ADAMTS17: variants seen among roughly 807,000 people sequenced by gnomAD.
The protein encoded by ADAMTS17 is ADAM metallopeptidase with thrombospondin type 1 motif 17, also known as A disintegrin and metalloproteinase with thrombospondin motifs 17.
A neutral mutation model predicts 141.5 loss-of-function variants in ADAMTS17; 113 were observed. That is an observed-to-expected ratio of 0.80 (90% CI 0.69 to 0.93). The LOEUF is 0.93. ADAMTS17 is among the 40% of genes least tolerant of loss of function. ADAMTS17 has a pLI of 0.00. For synonymous variants in ADAMTS17, 768 were observed against 630.6 expected, an observed-to-expected ratio of 1.22 and a Z score of -3.27; for missense variants, 1,659 against 1,517.9, an observed-to-expected ratio of 1.09 and a Z score of -1.54.
intron 5 of ADAMTS17, 118 bp from the exon 6 acceptor site, chr15:100,261,754 A>T: frequency 8.5e-7 from 1 of 1,180,810 alleles, no homozygotes; most frequent in Non-Finnish European, 1.2e-6. Context: ...TCATTTGATG[A>T]CTCACGGCCC....
chr15:100,303,971 G>A (rs1034338414), intron 3 of ADAMTS17, among the ~76,000 whole-genome samples: 3 of 152,308 alleles, frequency 2.0e-5, no homozygotes, highest in East Asian at 3.9e-4. Flanking sequence ...TGATCCACCC[G>A]CTTCGGCCTC....
At chr15:100,250,907 T>C (rs1276001539) in intron 7 of ADAMTS17, among the ~76,000 whole-genome samples, 1 of 152,164 alleles carries the variant, frequency 6.6e-6, no homozygotes, top group African/African-American at 2.4e-5. Context: ...TATTTTAAAG[T>C]CCATAAATAA....
intron 10 of ADAMTS17, among the ~76,000 whole-genome samples, chr15:100,147,426 G>A (rs917945528): frequency 3.3e-5 from 5 of 152,098 alleles, no homozygotes; most frequent in African/African-American, 1.2e-4. Flanking sequence ...TACACACCTA[G>A]GCTCTGTGGT....
At chr15:100,160,490 A>C (rs753672615) in intron 8 of ADAMTS17, among the ~76,000 whole-genome samples, 3 of 152,182 alleles carry the variant, frequency 2.0e-5, no homozygotes, top group Non-Finnish European at 4.4e-5. Context: ...CTCAGTAGAC[A>C]ACTTGGTTAT....
intron 14 of ADAMTS17, among the ~76,000 whole-genome samples, chr15:100,099,267 TC>T (rs1304171487): frequency 2.6e-5 from 4 of 152,166 alleles, no homozygotes; most frequent in African/African-American, 4.8e-5. Flanking sequence ...TGCAGGGCTG[TC>T]CATGTCTGAA....
chr15:100,258,802 G>T (rs1044071137), intron 6 of ADAMTS17, among the ~76,000 whole-genome samples: 1 of 152,186 alleles, frequency 6.6e-6, no homozygotes, highest in East Asian at 1.9e-4. Context: ...TATTTCCTTT[G>T]TGGTAAGTTA....
intron 18 of ADAMTS17, among the ~76,000 whole-genome samples, chr15:100,020,606 T>C (rs559584151): frequency 1.3e-5 from 2 of 152,178 alleles, no homozygotes; most frequent in African/African-American, 4.8e-5. Flanking sequence ...CGTGGGTCTA[T>C]TTTGAGTTCC....
At chr15:100,330,668 T>A (rs1416149304) in intron 3 of ADAMTS17, among the ~76,000 whole-genome samples, 2 of 152,080 alleles carry the variant, frequency 1.3e-5, no homozygotes, top group Non-Finnish European at 2.9e-5. Context: ...ATGAAAGAGA[T>A]CCTAGGTTCC....
intron 7 of ADAMTS17, among the ~76,000 whole-genome samples, chr15:100,216,386 C>A (rs755426231): frequency 6.6e-6 from 1 of 152,200 alleles, no homozygotes; most frequent in Admixed American, 6.5e-5. Context: ...AGGCTGTGAA[C>A]CTCTAAATGC....
intron 20 of ADAMTS17, chr15:99,979,177 T>G (rs7175882): frequency 5.8e-4 from 88 of 151,818 alleles, no homozygotes; most frequent in African/African-American, 2.0e-3. Flanking sequence ...GATCACGAGG[T>G]GAGGAGTTTG....
At chr15:100,077,795 T>C (rs1422777095) in intron 15 of ADAMTS17, among the ~76,000 whole-genome samples, 1 of 152,118 alleles carries the variant, frequency 6.6e-6, no homozygotes, top group Non-Finnish European at 1.5e-5. Context: ...ATATAAAGCA[T>C]ACAGATTGGA....
intron 3 of ADAMTS17, among the ~76,000 whole-genome samples, chr15:100,314,925 G>A (rs954237961): frequency 4.6e-5 from 7 of 152,216 alleles, no homozygotes; most frequent in Non-Finnish European, 7.3e-5. Flanking sequence ...GTGCAGAAGA[G>A]GAGCCGACCG....
At chr15:100,008,080 G>A (rs2061073236) in intron 18 of ADAMTS17, among the ~76,000 whole-genome samples, 1 of 148,640 alleles carries the variant, frequency 6.7e-6, no homozygotes. Context: ...GCCCAGAAGA[G>A]GCCTCAGGGG....
chr15:100,097,164 T>C (rs994091887), intron 14 of ADAMTS17, among the ~76,000 whole-genome samples: 46 of 152,216 alleles, frequency 3.0e-4, no homozygotes, highest in Non-Finnish European at 5.9e-4. Context: ...TGGACTCTTT[T>C]TTTCTTTTTT....
intron 3 of ADAMTS17, among the ~76,000 whole-genome samples, chr15:100,305,372 T>C (rs2045187664): frequency 6.6e-6 from 1 of 152,258 alleles, no homozygotes; most frequent in Non-Finnish European, 1.5e-5. Context: ...GTCCCTGAAA[T>C]AAATCCGTCT....
At chr15:100,114,895 G>C (rs1272949823) in intron 13 of ADAMTS17, among the ~76,000 whole-genome samples, 1 of 152,202 alleles carries the variant, frequency 6.6e-6, no homozygotes, top group Non-Finnish European at 1.5e-5. Context: ...ATCTGGACTT[G>C]GAGAAATCTG....
chr15:100,063,956 G>A (rs530615098), intron 15 of ADAMTS17, among the ~76,000 whole-genome samples: 1 of 152,254 alleles, frequency 6.6e-6, no homozygotes, highest in South Asian at 2.1e-4. Context: ...ATTTGCACGT[G>A]TTTCAGGTTG....
intron 20 of ADAMTS17, among the ~76,000 whole-genome samples, chr15:99,990,012 A>G (rs2060659841): frequency 6.6e-6 from 1 of 152,130 alleles, no homozygotes; most frequent in African/African-American, 2.4e-5. Context: ...CAGCCCCTTA[A>G]TGTCTCTATT....
At chr15:100,242,873 C>T (rs1011444935) in intron 7 of ADAMTS17, among the ~76,000 whole-genome samples, 18 of 152,282 alleles carry the variant, frequency 1.2e-4, no homozygotes, top group African/African-American at 3.4e-4. Flanking sequence ...TGTACGGTTC[C>T]GTGGCATTAA....
Sources: gnomAD v4.1 joint callset for allele counts (sites outside exome capture counted in the v4.1 genomes callset) on GRCh38, gnomAD v4.1.1 for gene constraint, MANE v1.5 for transcripts, NCBI Gene and HGNC (gene_info 2026-07-23, HGNC 2026-07-21) for gene names.